Variants in SPAG16 observed in about 807,000 individuals in gnomAD.
The protein encoded by SPAG16 is sperm associated antigen 16.
SPAG16 carries 86 observed loss-of-function variants against 80.4 expected under a neutral mutation model. The ratio of observed to expected loss-of-function variants is 1.07; its 90% CI spans 0.90 to 1.28. SPAG16 has a LOEUF of 1.28. Among genes scored for constraint, SPAG16 ranks in the 50% most tolerant of loss-of-function variants. The probability of loss-of-function intolerance (pLI) is 0.00; values close to 1 mark genes in which losing one functional copy is unlikely to be tolerated. For synonymous variants in SPAG16, 294 were observed against 265.9 expected, an observed-to-expected ratio of 1.11 and a Z score of -1.03; for missense variants, 870 against 765.3, an observed-to-expected ratio of 1.14 and a Z score of -1.61.
intron 13 of SPAG16, among the ~76,000 whole-genome samples, chr2:214,054,659 C>T (rs1292995632): frequency 1.3e-5 from 2 of 151,926 alleles, no homozygotes; most frequent in Non-Finnish European, 2.9e-5. Flanking sequence ...GAACAATAAC[C>T]TTTGACTTCT....
chr2:213,615,232 A>C (rs936331778), intron 10 of SPAG16, among the ~76,000 whole-genome samples: 2 of 152,224 alleles, frequency 1.3e-5, no homozygotes, highest in Non-Finnish European at 2.9e-5. Context: ...AGGAGTACCA[A>C]AATTGTTATT....
intron 12 of SPAG16, among the ~76,000 whole-genome samples, chr2:213,953,190 C>A (rs540932029): frequency 2.6e-5 from 4 of 151,802 alleles, no homozygotes; most frequent in Non-Finnish European, 5.9e-5. Flanking sequence ...TTTTAATCCC[C>A]CAAAACTTAG....
intron 10 of SPAG16, among the ~76,000 whole-genome samples, chr2:213,825,501 A>T (rs980317102): frequency 5.9e-5 from 9 of 151,834 alleles, no homozygotes; most frequent in African/African-American, 2.2e-4. Context: ...TTTTTCCTTC[A>T]TTCTGTTGGT....
At chr2:213,865,253 T>G (rs1170475878) in intron 11 of SPAG16, among the ~76,000 whole-genome samples, 2 of 152,054 alleles carry the variant, frequency 1.3e-5, no homozygotes, top group African/African-American at 4.8e-5. Context: ...AAATTCCTCA[T>G]AGTATAAATT....
intron 15 of SPAG16, among the ~76,000 whole-genome samples, chr2:214,343,940 G>T (rs1697888879): frequency 6.6e-6 from 1 of 152,060 alleles, no homozygotes; most frequent in Non-Finnish European, 1.5e-5. Context: ...TGCAGTTCTG[G>T]GTCTCAAACT....
At chr2:214,292,798 T>G (rs2125934112) in intron 15 of SPAG16, among the ~76,000 whole-genome samples, 1 of 152,338 alleles carries the variant, frequency 6.6e-6, no homozygotes, top group Non-Finnish European at 1.5e-5. Context: ...TAAACTTACT[T>G]TTGCAGAGAA....
intron 10 of SPAG16, among the ~76,000 whole-genome samples, chr2:213,501,745 G>A (rs919995040): frequency 6.6e-6 from 1 of 152,134 alleles, no homozygotes; most frequent in Non-Finnish European, 1.5e-5. Flanking sequence ...GGCAGAGAAT[G>A]TACATTTATT....
At chr2:213,748,194 G>A (rs540493364) in intron 10 of SPAG16, among the ~76,000 whole-genome samples, 2 of 152,100 alleles carry the variant, frequency 1.3e-5, no homozygotes, top group East Asian at 1.9e-4. Flanking sequence ...TTCAGGTTAC[G>A]AAAAATAGAG....
intron 15 of SPAG16, among the ~76,000 whole-genome samples, chr2:214,320,577 A>AACTT (rs373544614): frequency 6.6e-6 from 1 of 152,322 alleles, no homozygotes; most frequent in East Asian, 1.9e-4. Flanking sequence ...GGCCTCAGGA[A>AACTT]ACTTACTTAC....
intron 15 of SPAG16, among the ~76,000 whole-genome samples, chr2:214,390,341 TAAAA>T (rs756833750): frequency 1.4e-3 from 172 of 125,458 alleles, no homozygotes; most frequent in African/African-American, 2.5e-3. Flanking sequence ...CTTTTTTTTT[TAAAA>T]AAAAAAAAAA....
intron 15 of SPAG16, among the ~76,000 whole-genome samples, chr2:214,323,210 G>A (rs945767172): frequency 7.9e-5 from 12 of 151,908 alleles, no homozygotes; most frequent in Admixed American, 1.3e-4. Context: ...TGCTCTCCCC[G>A]TCTCTCTACC....
intron 7 of SPAG16, among the ~76,000 whole-genome samples, chr2:213,352,879 T>C (rs2065410589): frequency 1.3e-5 from 2 of 152,338 alleles, no homozygotes; most frequent in Middle Eastern, 3.4e-3. Context: ...TATTAAAGAC[T>C]ATCCCAATCT....
chr2:214,130,798 T>G (rs2054727817), intron 14 of SPAG16, among the ~76,000 whole-genome samples: 2 of 152,126 alleles, frequency 1.3e-5, no homozygotes. Context: ...AGTCAGAACA[T>G]TTTTTTAGTG....
intron 10 of SPAG16, among the ~76,000 whole-genome samples, chr2:213,783,070 CCA>C (rs1331383701): frequency 7.0e-6 from 1 of 142,590 alleles, no homozygotes; most frequent in African/African-American, 2.6e-5. Context: ...ACCACAGTCC[CCA>C]GAGTGTGATA....
At chr2:213,425,314 C>A (rs973782006) in intron 9 of SPAG16, among the ~76,000 whole-genome samples, 2 of 150,258 alleles carry the variant, frequency 1.3e-5, no homozygotes, top group African/African-American at 4.9e-5. Flanking sequence ...AGTGAGACTC[C>A]GTCTCCAAAA....
intron 10 of SPAG16, among the ~76,000 whole-genome samples, chr2:213,785,688 A>G (rs2070293532): frequency 6.6e-6 from 1 of 152,216 alleles, no homozygotes; most frequent in Non-Finnish European, 1.5e-5. Context: ...TAATAAATGA[A>G]CATTAAGAAC....
chr2:213,573,431 C>A (rs910851597), intron 10 of SPAG16, among the ~76,000 whole-genome samples: 3 of 152,202 alleles, frequency 2.0e-5, no homozygotes, highest in Non-Finnish European at 4.4e-5. Context: ...AAAACTTTCA[C>A]CAAAATTGCA....
chr2:213,601,525 A>G (rs1190865569), intron 10 of SPAG16, among the ~76,000 whole-genome samples: 17 of 152,132 alleles, frequency 1.1e-4, no homozygotes, highest in Admixed American at 1.1e-3. Flanking sequence ...TTAGAAATAG[A>G]TATCTACAAA....
intron 10 of SPAG16, among the ~76,000 whole-genome samples, chr2:213,692,012 T>C (rs2064963773): frequency 6.6e-6 from 1 of 152,210 alleles, no homozygotes; most frequent in South Asian, 2.1e-4. Context: ...TAAATTAAGA[T>C]GTCAACAAAT....
Sources: gnomAD v4.1 joint callset for allele counts (sites outside exome capture counted in the v4.1 genomes callset) on GRCh38, gnomAD v4.1.1 for gene constraint, MANE v1.5 for transcripts, NCBI Gene and HGNC (gene_info 2026-07-23, HGNC 2026-07-21) for gene names.